The following KMT2C variants were observed in gnomAD, a reference collection of about 807,000 sequenced individuals.
KMT2C encodes the protein histone-lysine N-methyltransferase 2C.
Under a neutral mutation model 507.9 loss-of-function variants are expected in KMT2C, and 88 were observed. The observed-to-expected ratio is 0.17, with a 90% CI of 0.15 to 0.21. KMT2C has a LOEUF of 0.21. KMT2C is among the 10% of genes least tolerant of loss of function. The probability of loss-of-function intolerance (pLI) is 1.00; values close to 1 mark genes in which losing one functional copy is unlikely to be tolerated. For missense variants in KMT2C, 4,954 were observed against 5,957.8 expected (o/e 0.83, Z 5.55); for synonymous variants, 2,049 against 2,080.8 (o/e 0.98, Z 0.42).
At position 152,179,884 on chromosome 7, in the gene KMT2C, T is replaced by C; in HGVS notation, c.7392A>G (p.Gly2464=). The C allele has an allele frequency of 6.2e-7, 1 of 1,614,050 alleles. No individual in the cohort carries two copies. Residue 2464 remains glycine, a synonymous_variant, in exon 37 of 59, where the codon GGA becomes GGG. Coordinates refer to ENST00000262189, the MANE Select transcript of KMT2C (RefSeq NM_170606.3). The part of the protein sequence containing the change: ...RYAVFPKDQR[G]PYPPDVASMG... ...TACTAGCAACATCAGGAGGATAGGGTCCACGCTGATCTTTTGGGAAAACAG... is the reference window on the plus strand; with the variant it reads ...TACTAGCAACATCAGGAGGATAGGGCCCACGCTGATCTTTTGGGAAAACAG...
intron 16 of KMT2C, among the ~76,000 whole-genome samples, chr7:152,232,564 C>A (rs2095152202): frequency 6.6e-6 from 1 of 151,720 alleles, no homozygotes; most frequent in Non-Finnish European, 1.5e-5. Context: ...TATGGATCAA[C>A]CTAATATATA....
At chr7:152,338,863 CTT>C in intron 2 of KMT2C, among the ~76,000 whole-genome samples, 1 of 152,152 alleles carries the variant, frequency 6.6e-6, no homozygotes, top group South Asian at 2.1e-4. Flanking sequence ...TGAGGGATCA[CTT>C]ACTGAATATA....
intron 1 of KMT2C, among the ~76,000 whole-genome samples, chr7:152,428,458 C>CAAAAAAAAA (rs140697569): frequency 0.019 from 1,366 of 70,368 alleles, no homozygotes; most frequent in Middle Eastern, 0.026. Context: ...ACTAAAAATA[C>CAAAAAAAAA]AAAAAAAAAA....
intron 2 of KMT2C, among the ~76,000 whole-genome samples, chr7:152,348,599 TAAAAAAAAAAAAA>T (rs201530125): frequency 8.2e-5 from 4 of 48,994 alleles, no homozygotes; most frequent in Non-Finnish European, 1.3e-4. Context: ...AACTCTGTCT[TAAAAAAAAAAAAA>T]AAAAAAAAAA....
At chr7:152,262,125 C>T (rs2095791102) in intron 9 of KMT2C, among the ~76,000 whole-genome samples, 1 of 152,180 alleles carries the variant, frequency 6.6e-6, no homozygotes, top group Admixed American at 6.5e-5. Flanking sequence ...TACAGAATCT[C>T]CCTGCGTCTG....
intron 5 of KMT2C, among the ~76,000 whole-genome samples, chr7:152,310,339 G>C (rs1240135537): frequency 6.6e-6 from 1 of 152,170 alleles, no homozygotes; most frequent in Non-Finnish European, 1.5e-5. Context: ...ACTTTGGGAG[G>C]CCAACGCTGG....
intron 44 of KMT2C, among the ~76,000 whole-genome samples, chr7:152,157,005 T>G (rs554137041): frequency 5.9e-5 from 9 of 152,234 alleles, no homozygotes; most frequent in African/African-American, 1.9e-4. Flanking sequence ...AAGTGCAAAG[T>G]CAAATTACAA....
At chr7:152,149,691 A>T (rs763626512) in intron 51 of KMT2C, among the ~76,000 whole-genome samples, 9 of 152,182 alleles carry the variant, frequency 5.9e-5, no homozygotes, top group Non-Finnish European at 1.0e-4. Context: ...AATCATACTA[A>T]CTTTTCTCTG....
chr7:152,334,456 A>AAAAG (rs755514035), intron 2 of KMT2C, among the ~76,000 whole-genome samples: 2 of 152,220 alleles, frequency 1.3e-5, no homozygotes, highest in Non-Finnish European at 2.9e-5. Context: ...CCGTCTCAAA[A>AAAAG]AAAGAAAGAA....
chr7:152,179,807 A>C (rs1646689895), intron 37 of KMT2C, 27 bp downstream of exon 37: 1 of 1,605,414 alleles, frequency 6.2e-7, no homozygotes, highest in Non-Finnish European at 8.5e-7. Context: ...TAGCAATTTA[A>C]ATTCGGCAGG....
In KMT2C at chr7:152,182,054, G is replaced by A. The variant is rs150579758; in HGVS notation, c.5806C>T (p.Leu1936Phe). Residue 1936 changes from leucine to phenylalanine, a missense_variant, in exon 36 of 59, where the codon CTT (leucine) becomes TTT (phenylalanine). Transcript: ENST00000262189. ...CTPLSSVSRP[L>F]QMNETTANRP... ...TTTGCTGTTGTCTCATTCATTTGAAGGGGCCTAGATACCGATGATAAAGGT... is the reference window on the plus strand; with the variant it reads ...TTTGCTGTTGTCTCATTCATTTGAAAGGGCCTAGATACCGATGATAAAGGT... 6.2e-7 allele frequency: 1 copy of A among 1,614,190 alleles called. No homozygotes were observed. The highest frequency in any genetic ancestry group is 8.5e-7 in the Non-Finnish European group (1 of 1,180,022).
intron 7 of KMT2C, among the ~76,000 whole-genome samples, chr7:152,269,330 C>T (rs1469829814): frequency 6.6e-6 from 1 of 152,104 alleles, no homozygotes; most frequent in African/African-American, 2.4e-5. Context: ...ATGTGAAACA[C>T]AATAATTTTT....
intron 2 of KMT2C, among the ~76,000 whole-genome samples, chr7:152,351,635 T>A (rs1048386497): frequency 2.0e-5 from 3 of 152,188 alleles, no homozygotes; most frequent in African/African-American, 7.2e-5. Flanking sequence ...GAAGCCATGG[T>A]GGAAGAAATA....
Position 152,181,420 on chromosome 7 carries a change from T to G in KMT2C, c.6440A>C (p.Gln2147Pro), listed in dbSNP as rs766727508. 6 of 1,613,816 alleles carry G rather than the reference T, an allele frequency of 3.7e-6. No individual in the cohort carries two copies. Among genetic ancestry groups the G allele is most frequent in the Admixed American group, 1.7e-5 (1 of 60,000 alleles). Residue 2147 changes from glutamine (Q) to proline (P), a missense_variant, in exon 36 of 59, where the codon CAA becomes CCA. Gln to Pro is a moderately conservative substitution (Grantham distance 76). Coordinates refer to ENST00000262189, the MANE Select transcript of KMT2C (RefSeq NM_170606.3). ...TPRPVVDSYS[Q>P]SSGTARSNTD... ...ATTGGACCTAGCTGTTCCTGAAGAT[T>G]GGGAATAAGAATCTACAACAGGTCG...
At position 152,144,921 on chromosome 7, in the gene KMT2C, A is replaced by G. The variant is rs753505975; in HGVS notation, c.14175-40T>C. The G allele has an allele frequency of 1.0e-5, 16 of 1,566,454 alleles. No homozygotes were observed. The highest frequency in any genetic ancestry group is 1.3e-5 in the Non-Finnish European group (15 of 1,150,232). Reference sequence around the variant, plus strand: ...ATATCAACAGGAAAAAAATACAAGGAAAACTGAAGATACCTCTGAGTAATG... The same window carrying G: ...ATATCAACAGGAAAAAAATACAAGGGAAACTGAAGATACCTCTGAGTAATG... On this transcript the variant is annotated intron_variant, in intron 54 of 58. Coordinates refer to ENST00000262189, the MANE Select transcript of KMT2C (RefSeq NM_170606.3). This position sits in a 1 kb window ranked among gnomAD's most constrained non-coding sequence, Gnocchi z 4.4.
chr7:152,299,066 T>C, intron 6 of KMT2C, among the ~76,000 whole-genome samples: 1 of 152,150 alleles, frequency 6.6e-6, no homozygotes. Flanking sequence ...ACGCCTGTAA[T>C]CCCAGCACTT....
chr7:152,269,946 C>T (rs2095930570), intron 7 of KMT2C, among the ~76,000 whole-genome samples: 2 of 152,150 alleles, frequency 1.3e-5, no homozygotes, highest in Non-Finnish European at 2.9e-5. Context: ...ATCACAGATC[C>T]TTAAACCTGA....
chr7:152,288,022 CAAAAAAAAAAA>C (rs66951420), intron 6 of KMT2C, among the ~76,000 whole-genome samples: 9 of 31,666 alleles, frequency 2.8e-4, no homozygotes, highest in African/African-American at 9.7e-4. Context: ...GAGTCTGCCT[CAAAAAAAAAAA>C]AAAAAAAAAA....
intron 6 of KMT2C, among the ~76,000 whole-genome samples, chr7:152,288,293 G>C (rs1443749735): frequency 6.6e-6 from 1 of 150,406 alleles, no homozygotes; most frequent in Non-Finnish European, 1.5e-5. Context: ...TAGCATTTTG[G>C]GAGGCCGAGA....
Sources: allele counts gnomAD v4.1 joint callset (sites outside exome capture counted in the v4.1 genomes callset), GRCh38; gene constraint gnomAD v4.1.1; non-coding constraint Gnocchi (gnomAD v3.1); transcripts MANE v1.5; gene names NCBI Gene and HGNC (gene_info 2026-07-23, HGNC 2026-07-21).